KCNQ3: variants seen among roughly 807,000 people sequenced by gnomAD.
KCNQ3 encodes potassium voltage-gated channel subfamily Q member 3.
A neutral mutation model predicts 92.5 loss-of-function variants in KCNQ3; 30 were observed. The observed-to-expected ratio is 0.32, with a 90% CI of 0.24 to 0.44. KCNQ3 has a LOEUF of 0.44. Ranked by LOEUF, KCNQ3 falls within the 20% of genes least tolerant of loss-of-function variation. KCNQ3 has a pLI of 1.00. For missense variants in KCNQ3, 913 were observed against 1,140.3 expected, an observed-to-expected ratio of 0.80 and a Z score of 2.87; for synonymous variants, 450 against 468.8, an observed-to-expected ratio of 0.96 and a Z score of 0.52.
intron 4 of KCNQ3, among the ~76,000 whole-genome samples, chr8:132,179,122 CAG>C (rs770521209): frequency 6.6e-6 from 1 of 150,672 alleles, no homozygotes; most frequent in Non-Finnish European, 1.5e-5. Context: ...AGCTGAGACA[CAG>C]GGGTTTTCCT....
At chr8:132,163,679 T>A (rs928950224) in intron 8 of KCNQ3, among the ~76,000 whole-genome samples, 185 bp from the exon 9 acceptor site, 6 of 152,180 alleles carry the variant, frequency 3.9e-5, no homozygotes, top group Admixed American at 6.5e-5. Flanking sequence ...CCCCAGCCCA[T>A]GCTACTCCCG....
chr8:132,269,257 T>C (rs774346221), intron 1 of KCNQ3, among the ~76,000 whole-genome samples: 2 of 152,224 alleles, frequency 1.3e-5, no homozygotes, highest in Non-Finnish European at 2.9e-5. Context: ...GTAATGCCTT[T>C]GGTGTTGCAT....
chr8:132,445,561 C>T (rs1490628343), intron 1 of KCNQ3, among the ~76,000 whole-genome samples: 1 of 152,122 alleles, frequency 6.6e-6, no homozygotes, highest in Non-Finnish European at 1.5e-5. Context: ...AAAAAAACGA[C>T]TCTAATAAGC....
intron 1 of KCNQ3, among the ~76,000 whole-genome samples, chr8:132,189,412 G>A (rs1453013373): frequency 6.6e-6 from 1 of 152,186 alleles, no homozygotes; most frequent in Admixed American, 6.5e-5. Flanking sequence ...CCCAACACCT[G>A]ACAATAGGAC....
intron 1 of KCNQ3, among the ~76,000 whole-genome samples, chr8:132,359,851 C>T (rs1449262030): frequency 1.3e-5 from 2 of 152,212 alleles, no homozygotes; most frequent in Admixed American, 1.3e-4. Context: ...CCATGCACTG[C>T]CACATCTGCC....
At chr8:132,426,912 G>C (rs1821128046) in intron 1 of KCNQ3, among the ~76,000 whole-genome samples, 1 of 152,172 alleles carries the variant, frequency 6.6e-6, no homozygotes. Context: ...GGATAGGCTA[G>C]ATCCCTTCTA....
At chr8:132,262,663 T>C (rs559586784) in intron 1 of KCNQ3, among the ~76,000 whole-genome samples, 1 of 147,882 alleles carries the variant, frequency 6.8e-6, no homozygotes, top group African/African-American at 2.5e-5. Context: ...CATGATATAC[T>C]CTTGAGGATG....
chr8:132,188,676 T>A (rs1337241085), intron 1 of KCNQ3, among the ~76,000 whole-genome samples: 1 of 152,238 alleles, frequency 6.6e-6, no homozygotes, highest in Non-Finnish European at 1.5e-5. Context: ...CCAGACATAG[T>A]ACTGGTTTTA....
At chr8:132,265,047 G>A (rs1310785339) in intron 1 of KCNQ3, among the ~76,000 whole-genome samples, 1 of 152,032 alleles carries the variant, frequency 6.6e-6, no homozygotes, top group Non-Finnish European at 1.5e-5. Context: ...TGTCCCACCT[G>A]TAAAATGGGA....
chr8:132,220,956 T>C (rs1586839438), intron 1 of KCNQ3, among the ~76,000 whole-genome samples: 1 of 152,208 alleles, frequency 6.6e-6, no homozygotes, highest in East Asian at 1.9e-4. Flanking sequence ...TCTAATGTGA[T>C]CCCTCCCCCT....
At chr8:132,166,496 G>T (rs1350051028) in intron 8 of KCNQ3, among the ~76,000 whole-genome samples, 1 of 152,082 alleles carries the variant, frequency 6.6e-6, no homozygotes, top group Non-Finnish European at 1.5e-5. Flanking sequence ...AGTCTCCACT[G>T]GTCAGCAGAT....
chr8:132,389,874 T>C (rs919561507), intron 1 of KCNQ3, among the ~76,000 whole-genome samples: 3 of 152,198 alleles, frequency 2.0e-5, no homozygotes. Context: ...CATTATGTAA[T>C]GTATTTGAAG....
At chr8:132,414,387 C>A (rs1457608768) in intron 1 of KCNQ3, among the ~76,000 whole-genome samples, 1 of 152,220 alleles carries the variant, frequency 6.6e-6, no homozygotes, top group East Asian at 1.9e-4. Context: ...CTAGATTTAA[C>A]ATTCAGAGCA....
intron 1 of KCNQ3, among the ~76,000 whole-genome samples, chr8:132,396,387 C>A (rs1820194808): frequency 6.7e-6 from 1 of 148,650 alleles, no homozygotes. Context: ...AAAAACAAAA[C>A]AAAACCCGAC....
At chr8:132,314,468 T>C (rs1586919712) in intron 1 of KCNQ3, among the ~76,000 whole-genome samples, 1 of 152,196 alleles carries the variant, frequency 6.6e-6, no homozygotes, top group African/African-American at 2.4e-5. Context: ...GGGGAAACTA[T>C]TCTAAAATAC....
intron 9 of KCNQ3, among the ~76,000 whole-genome samples, chr8:132,149,159 T>C (rs1273596578): frequency 2.0e-5 from 3 of 152,188 alleles, no homozygotes; most frequent in Non-Finnish European, 2.9e-5. Flanking sequence ...TTTCTAGAGA[T>C]TTTTCATATA....
rs143728271 is a variant in KCNQ3 at position 132,168,123 on chromosome 8, C to G, written c.1235+2211G>C. Among the ~76,000 whole-genome samples the G allele has an allele frequency of 2.8e-4, 42 of 152,320 alleles. 2 individuals are homozygous for G. In the East Asian group the frequency reaches 8.1e-3, roughly 29 times the overall value. On this transcript the variant is annotated intron_variant, in intron 8 of 14. Transcript: ENST00000388996. Reference sequence around the variant, plus strand: ...TGACCCCTCTAACTCTCCCACCAGTCATGGGTCCCTTTTGCCTGTTCTCTT... The same window carrying G: ...TGACCCCTCTAACTCTCCCACCAGTGATGGGTCCCTTTTGCCTGTTCTCTT...
chr8:132,382,441 C>T (rs1586972923), intron 1 of KCNQ3, among the ~76,000 whole-genome samples: 1 of 152,186 alleles, frequency 6.6e-6, no homozygotes. Context: ...TGAGTAAAAG[C>T]TTCCTGAGGC....
chr8:132,452,920 G>A (rs1375074256), intron 1 of KCNQ3, among the ~76,000 whole-genome samples: 1 of 152,182 alleles, frequency 6.6e-6, no homozygotes, highest in Admixed American at 6.5e-5. Flanking sequence ...GTTTAATGAA[G>A]GGAGACAAAT....
Sources: gnomAD v4.1 joint callset for allele counts (sites outside exome capture counted in the v4.1 genomes callset) on GRCh38, gnomAD v4.1.1 for gene constraint, MANE v1.5 for transcripts, NCBI Gene and HGNC (gene_info 2026-07-23, HGNC 2026-07-21) for gene names.